CA10: variants seen among roughly 807,000 people sequenced by gnomAD.
CA10 encodes carbonic anhydrase 10 (inactive).
A neutral mutation model predicts 44.2 loss-of-function variants in CA10; 14 were observed. The observed-to-expected ratio is 0.32, with a 90% CI of 0.21 to 0.50. The LOEUF (loss-of-function observed/expected upper bound fraction) is 0.50, where lower values mean the gene tolerates loss of function less well. Among genes scored for constraint, CA10 ranks in the 20% least tolerant of loss-of-function variants. The pLI, the probability that CA10 is intolerant of heterozygous loss-of-function variation, is 0.99. For missense variants in CA10, 350 were observed against 409.7 expected, an observed-to-expected ratio of 0.85 and a Z score of 1.26; for synonymous variants, 159 against 141.6, an observed-to-expected ratio of 1.12 and a Z score of -0.87.
chr17:51,870,993 G>T (rs980656648), intron 3 of CA10, among the ~76,000 whole-genome samples: 5 of 149,104 alleles, frequency 3.4e-5, no homozygotes, highest in Non-Finnish European at 7.4e-5. Context: ...GAATGGTAGA[G>T]ATTTCTTCTC....
chr17:52,072,838 C>T (rs1291421180), intron 1 of CA10, among the ~76,000 whole-genome samples: 1 of 151,984 alleles, frequency 6.6e-6, no homozygotes, highest in East Asian at 1.9e-4. Context: ...GTCTGGAAGG[C>T]TGAAAGGTAT....
intron 3 of CA10, among the ~76,000 whole-genome samples, chr17:51,802,170 T>A (rs1906957132): frequency 6.6e-6 from 1 of 152,200 alleles, no homozygotes. Flanking sequence ...AGCTAGGGCT[T>A]GGGGTAGAGT....
At chr17:51,906,236 G>A (rs1020924949) in intron 3 of CA10, among the ~76,000 whole-genome samples, 1 of 151,658 alleles carries the variant, frequency 6.6e-6, no homozygotes, top group African/African-American at 2.4e-5. Flanking sequence ...TACTGTCTTC[G>A]CTATCTCATT....
chr17:51,715,066 G>A (rs902374018), intron 4 of CA10, among the ~76,000 whole-genome samples: 69 of 152,232 alleles, frequency 4.5e-4, no homozygotes, highest in African/African-American at 1.5e-3. Context: ...TGTCTTTGTA[G>A]GGACACGGAT....
intron 1 of CA10, among the ~76,000 whole-genome samples, chr17:52,134,202 T>C (rs1398795219): frequency 6.6e-6 from 1 of 152,194 alleles, no homozygotes; most frequent in African/African-American, 2.4e-5. Flanking sequence ...TGTTTCAAGT[T>C]CTCCAGAAAA....
chr17:51,762,322 G>A (rs1250881231), intron 3 of CA10: 1 of 152,274 alleles, frequency 6.6e-6, no homozygotes, highest in East Asian at 1.9e-4. Context: ...GGGTGTTGGA[G>A]CATGGGTTAT....
At chr17:52,039,227 G>A (rs1055416763) in intron 2 of CA10, among the ~76,000 whole-genome samples, 4 of 152,062 alleles carry the variant, frequency 2.6e-5, no homozygotes, top group Non-Finnish European at 5.9e-5. Flanking sequence ...TATTATTATT[G>A]TAGCACTGAA....
intron 2 of CA10, among the ~76,000 whole-genome samples, chr17:51,959,820 A>G (rs534646882): frequency 1.9e-3 from 285 of 150,694 alleles, no homozygotes; most frequent in African/African-American, 6.4e-3. Flanking sequence ...AAAAGGAAAG[A>G]AAAGAAAAGA....
intron 1 of CA10, among the ~76,000 whole-genome samples, chr17:52,105,512 C>A (rs1988642711): frequency 6.6e-6 from 1 of 152,146 alleles, no homozygotes; most frequent in South Asian, 2.1e-4. Flanking sequence ...GCCCTGGCCT[C>A]CCAAAGTGCG....
At chr17:51,945,196 C>T (rs1179465116) in intron 2 of CA10, among the ~76,000 whole-genome samples, 1 of 152,086 alleles carries the variant, frequency 6.6e-6, no homozygotes, top group Non-Finnish European at 1.5e-5. Flanking sequence ...TGAATCCATT[C>T]CAATCTCAAG....
At chr17:52,157,550 A>C (rs1298225410) in intron 1 of CA10, among the ~76,000 whole-genome samples, 176 bp downstream of exon 1, 4 of 122,684 alleles carry the variant, frequency 3.3e-5, no homozygotes, top group South Asian at 2.8e-4. Context: ...CAAAACACAC[A>C]CATTCACACA....
chr17:51,961,007 C>T (rs1483367895), intron 2 of CA10, among the ~76,000 whole-genome samples: 3 of 152,164 alleles, frequency 2.0e-5, no homozygotes, highest in African/African-American at 7.2e-5. Context: ...AAGAGCAGAA[C>T]TGAGGCTTCC....
At chr17:51,727,030 T>C (rs1388110290) in intron 4 of CA10, among the ~76,000 whole-genome samples, 1 of 152,210 alleles carries the variant, frequency 6.6e-6, no homozygotes. Flanking sequence ...GCATGTCAAT[T>C]GCAGCCTTGT....
intron 2 of CA10, among the ~76,000 whole-genome samples, chr17:51,937,917 A>C (rs1982929962): frequency 6.6e-6 from 1 of 152,152 alleles, no homozygotes; most frequent in Admixed American, 6.5e-5. Flanking sequence ...TAGTTAAAAC[A>C]TTGAATCATC....
chr17:51,653,697 C>T lies in CA10; in HGVS notation c.505G>A (p.Val169Ile), dbSNP rs1391255187. ...IHYNHELYTN[V>I]TEAAKSPNGL... The stretch of plus-strand genomic sequence containing the variant: ...TTTGGACTCTTTGCAGCTTCTGTGA[C>T]ATTCGTATATAGCTCATGGTTATAG... Residue 169 changes from valine to isoleucine, a missense_variant, in exon 5 of 9, where the codon GTC (valine) becomes ATC (isoleucine). Val to Ile is a conservative substitution (Grantham distance 29, BLOSUM62 3). Transcript: ENST00000451037. 1 of 1,611,706 alleles carries T rather than the reference C, an allele frequency of 6.2e-7. No homozygotes were observed. The highest frequency in any genetic ancestry group is 1.7e-5 in the Admixed American group (1 of 60,008).
intron 3 of CA10, among the ~76,000 whole-genome samples, chr17:51,823,223 G>A (rs886090966): frequency 2.0e-5 from 3 of 152,194 alleles, no homozygotes; most frequent in Non-Finnish European, 4.4e-5. Flanking sequence ...TTAGCGAAAT[G>A]CCCAGGCGGT....
At chr17:51,703,547 TG>T in intron 4 of CA10, among the ~76,000 whole-genome samples, 1 of 152,070 alleles carries the variant, frequency 6.6e-6, no homozygotes, top group Admixed American at 6.5e-5. Flanking sequence ...TGAGAGGATG[TG>T]TGTCAAGGGT....
chr17:52,125,314 G>A (rs193198922), intron 1 of CA10, among the ~76,000 whole-genome samples: 81 of 152,292 alleles, frequency 5.3e-4, no homozygotes, highest in African/African-American at 1.9e-3. Flanking sequence ...ACTTAAGGGT[G>A]TATATCCACT....
At chr17:51,709,384 T>G (rs2143485227) in intron 4 of CA10, among the ~76,000 whole-genome samples, 1 of 152,294 alleles carries the variant, frequency 6.6e-6, no homozygotes, top group African/African-American at 2.4e-5. Context: ...TTCAGGCTAC[T>G]TCAGATAAGA....
Sources: gnomAD v4.1 joint callset for allele counts (sites outside exome capture counted in the v4.1 genomes callset) on GRCh38, gnomAD v4.1.1 for gene constraint, MANE v1.5 for transcripts, NCBI Gene and HGNC (gene_info 2026-07-23, HGNC 2026-07-21) for gene names.